The following CHST15 variants were observed in gnomAD, a reference collection of about 807,000 sequenced individuals.
CHST15 encodes the protein B cell RAG associated protein (GALNAC4S-6ST).
In CHST15, 30 loss-of-function variants were observed where a neutral mutation model predicts 53.6. The ratio of observed to expected loss-of-function variants is 0.56; its 90% CI spans 0.42 to 0.76. The LOEUF (loss-of-function observed/expected upper bound fraction) is 0.76, where lower values mean the gene tolerates loss of function less well. Among genes scored for constraint, CHST15 ranks in the 30% least tolerant of loss-of-function variants. The probability of loss-of-function intolerance (pLI) is 0.00; values close to 1 mark genes in which losing one functional copy is unlikely to be tolerated. For synonymous variants in CHST15, 296 were observed against 289.8 expected (o/e 1.02, Z -0.22); for missense variants, 627 against 740.5 (o/e 0.85, Z 1.78).
intron 1 of CHST15, among the ~76,000 whole-genome samples, chr10:124,073,710 G>A (rs375557657): frequency 2.0e-5 from 3 of 152,328 alleles, no homozygotes; most frequent in South Asian, 2.1e-4. Context: ...TGGTCCTTGC[G>A]CCTTGACCAT....
chr10:124,021,235 ACGG>A lies in CHST15; in HGVS notation c.1347+18_1347+20del. 1 of 242,734 alleles carries A rather than the reference ACGG, an allele frequency of 4.1e-6. No individual in the cohort carries two copies. Among genetic ancestry groups the A allele is most frequent in the Non-Finnish European group, 7.3e-6 (1 of 136,066 alleles). 15.0% of individuals were successfully genotyped at this position (242,734 alleles called of 1,614,324 possible). A position where few individuals can be genotyped will look rare whatever the true frequency, so the allele number is the denominator to read the frequency against. On this transcript the variant is annotated intron_variant, in intron 6 of 7. Transcript: ENST00000435907. ...TCTGCCAGGGGCCAGCTCGGGGGGT[ACGG>A]GGGGGGGGGGTACACACAGGCATGG...
chr10:124,033,463 C>T (rs558151792), intron 5 of CHST15, among the ~76,000 whole-genome samples: 7 of 152,290 alleles, frequency 4.6e-5, no homozygotes, highest in Admixed American at 4.6e-4. Flanking sequence ...CTCAGTGATC[C>T]CCGGTTCTTG....
At position 124,009,124 on chromosome 10, in the gene CHST15, A is replaced by T. The variant is rs1290534831; in HGVS notation, c.*1025T>A. 1.6e-6 allele frequency: 2 copies of T among 1,249,074 alleles called. No homozygotes were observed. Among genetic ancestry groups the T allele is most frequent in the African/African-American group, 3.1e-5 (2 of 64,850 alleles). The allele number at this position is 1,249,074 out of a possible 1,614,324, so 77.4% of individuals were successfully genotyped here. A position where few individuals can be genotyped will look rare whatever the true frequency, so the allele number is the denominator to read the frequency against. ...AACTATTTCCAATGGGAAGGCAGAG[A>T]AATGGAGCCTGTAGCCGGCCAGAAC... On this transcript the variant is annotated 3_prime_UTR_variant, in exon 8 of 8. Coordinates refer to ENST00000435907, the MANE Select transcript of CHST15 (RefSeq NM_001270764.2).
chr10:124,043,787 T>C (rs7085454), intron 3 of CHST15, among the ~76,000 whole-genome samples: 64,452 of 152,182 alleles, frequency 0.42, 16,950 homozygotes, highest in African/African-American at 0.74. Context: ...ATAAGGCAGA[T>C]GGGGCAGGTC....
At chr10:124,026,892 C>T (rs923712840) in intron 5 of CHST15, among the ~76,000 whole-genome samples, 2 of 152,148 alleles carry the variant, frequency 1.3e-5, no homozygotes, top group Non-Finnish European at 2.9e-5. Flanking sequence ...CCAGTCAGGG[C>T]AGGCTAACAC....
intron 2 of CHST15, 148 bp downstream of exon 2, chr10:124,045,519 A>G: frequency 3.5e-6 from 3 of 847,764 alleles, no homozygotes; most frequent in Non-Finnish European, 5.6e-6. Context: ...CAGTGCATTC[A>G]AATCCATAAG....
chr10:124,025,677 T>C (rs796140534), intron 5 of CHST15, among the ~76,000 whole-genome samples: 50 of 152,318 alleles, frequency 3.3e-4, no homozygotes, highest in African/African-American at 1.1e-3. Context: ...AAATAGGGTC[T>C]TTGCAGATGT....
At chr10:124,092,140 G>A (rs530338139) in intron 1 of CHST15, among the ~76,000 whole-genome samples, 11 of 152,290 alleles carry the variant, frequency 7.2e-5, no homozygotes, top group Admixed American at 5.2e-4. Context: ...ATCCCAGGGG[G>A]CCAATTGCGC....
At chr10:124,041,503 TC>T (rs1157458039) in intron 4 of CHST15, among the ~76,000 whole-genome samples, 13 of 152,164 alleles carry the variant, frequency 8.5e-5, no homozygotes, top group Non-Finnish European at 1.0e-4. Context: ...CTGGAAATTT[TC>T]CAAGACAGTA....
At position 124,034,580 on chromosome 10, in the gene CHST15, TAACAGGGACCCTGGCTCC is replaced by T. The variant is rs1230247871; in HGVS notation, c.1190+3917_1190+3934del. ...TAACAGGGACCCTGGCTTCATCCCC[TAACAGGGACCCTGGCTCC>T]ACCCCCTAACAGGGACCCTGGCTTC... is the stretch of plus-strand genomic sequence containing the variant. On this transcript the variant is annotated intron_variant, in intron 5 of 7. Coordinates refer to ENST00000435907, the MANE Select transcript of CHST15 (RefSeq NM_001270764.2). 2.2e-3 allele frequency among the ~76,000 whole-genome samples: 309 copies of T among 143,362 alleles called. 4 individuals carry two copies. Among genetic ancestry groups the T allele is most frequent in the African/African-American group, 7.5e-3 (282 of 37,630 alleles). 94.1% of individuals were successfully genotyped at this position (143,362 alleles called of 152,430 possible).
At chr10:124,082,322 A>G (rs923437742) in intron 1 of CHST15, among the ~76,000 whole-genome samples, 1 of 152,158 alleles carries the variant, frequency 6.6e-6, no homozygotes, top group Non-Finnish European at 1.5e-5. Context: ...CCGGTATTCA[A>G]TCCTGTCTCT....
At position 124,036,002 on chromosome 10, in the gene CHST15, CA is replaced by C. The variant is rs541669679; in HGVS notation, c.1190+2512del. Among the ~76,000 whole-genome samples, 47 of 152,370 alleles carry C rather than the reference CA, an allele frequency of 3.1e-4. No homozygotes were observed. The highest frequency in any genetic ancestry group is 9.1e-4 in the Admixed American group (14 of 15,312). On this transcript the variant is annotated intron_variant, in intron 5 of 7. Coordinates refer to ENST00000435907, the MANE Select transcript of CHST15 (RefSeq NM_001270764.2). The surrounding 1 kb of genome is among the most constrained non-coding windows in gnomAD (Gnocchi z 5.1). ...CACCTCTCTGTGCCCAGACAGTACACAAGGCTGCTGTGTGCACTCTCGGCCC... is the reference window on the plus strand; with the variant it reads ...CACCTCTCTGTGCCCAGACAGTACACAGGCTGCTGTGTGCACTCTCGGCCC...
chr10:124,034,531 A>C (rs1490189293), intron 5 of CHST15, among the ~76,000 whole-genome samples: 1 of 150,268 alleles, frequency 6.7e-6, no homozygotes, highest in East Asian at 2.0e-4. Context: ...CTCCACCCCT[A>C]ACAGGGACCC....
At chr10:124,052,337 T>G (rs1564889946) in intron 1 of CHST15, among the ~76,000 whole-genome samples, 1 of 152,210 alleles carries the variant, frequency 6.6e-6, no homozygotes, top group African/African-American at 2.4e-5. Flanking sequence ...AGATTCAGTC[T>G]TCTATCTGGA....
In CHST15 at chr10:124,036,999, C is replaced by T. The variant is rs892822461; in HGVS notation, c.1190+1516G>A. Among the ~76,000 whole-genome samples, 19 of 152,136 alleles carry T rather than the reference C, an allele frequency of 1.2e-4. No homozygotes were observed. The highest frequency in any genetic ancestry group is 4.3e-4 in the African/African-American group (18 of 41,426). On this transcript the variant is annotated intron_variant, in intron 5 of 7. Transcript: ENST00000435907. This position sits in a 1 kb window ranked among gnomAD's most constrained non-coding sequence, Gnocchi z 5.1. ...CCCAGGTGTGGGGCAGAGGTGGTTC[C>T]TCTGGGATGCCAGGGGAGAATCTGT...
intron 1 of CHST15, among the ~76,000 whole-genome samples, chr10:124,088,238 C>CG (rs1405346936): frequency 6.6e-6 from 1 of 152,220 alleles, no homozygotes; most frequent in Non-Finnish European, 1.5e-5. Context: ...GTCGCTACCC[C>CG]GGGCTCCTGC....
At chr10:124,020,307 T>A (rs1946728050) in intron 6 of CHST15, 1 of 985,368 alleles carries the variant, frequency 1.0e-6, no homozygotes. Context: ...GCTGGAAACC[T>A]GACCCACACC....
chr10:124,055,205 T>A (rs1319802422), intron 1 of CHST15, among the ~76,000 whole-genome samples: 3 of 152,250 alleles, frequency 2.0e-5, no homozygotes, highest in Non-Finnish European at 4.4e-5. Flanking sequence ...AAAAACATCT[T>A]GCTTTGGCCA....
At position 124,008,363 on chromosome 10, in the gene CHST15, G is replaced by A. The variant is rs753415860; in HGVS notation, c.*1786C>T. ...TGCGCGTACACACACACACACGCGCGCACTGTACTGCAAATAAATATACAC... is the reference window on the plus strand; with the variant it reads ...TGCGCGTACACACACACACACGCGCACACTGTACTGCAAATAAATATACAC... On this transcript the variant is annotated 3_prime_UTR_variant, in exon 8 of 8. Transcript: ENST00000435907. 1.1e-5 allele frequency: 11 copies of A among 1,020,684 alleles called. No individual in the cohort carries two copies. The highest frequency in any genetic ancestry group is 8.6e-5 in the East Asian group (1 of 11,658). The allele number at this position is 1,020,684 out of a possible 1,614,324, so 63.2% of individuals were successfully genotyped here.
Sources: allele counts gnomAD v4.1 joint callset (sites outside exome capture counted in the v4.1 genomes callset), GRCh38; gene constraint gnomAD v4.1.1; non-coding constraint Gnocchi (gnomAD v3.1); transcripts MANE v1.5; gene names NCBI Gene and HGNC (gene_info 2026-07-23, HGNC 2026-07-21).